Variants in MAGI2 observed in about 807,000 individuals in gnomAD.
MAGI2 encodes the protein membrane associated guanylate kinase, WW and PDZ domain containing 2, also known as membrane-associated guanylate kinase, WW and PDZ domain-containing protein 2.
MAGI2 carries 35 observed loss-of-function variants against 133.3 expected under a neutral mutation model. The observed-to-expected ratio is 0.26, with a 90% CI of 0.20 to 0.35. The LOEUF is 0.35. Among genes scored for constraint, MAGI2 ranks in the 10% least tolerant of loss-of-function variants. The pLI is 1.00. For synonymous variants in MAGI2, 729 were observed against 710.6 expected (o/e 1.03, Z -0.41); for missense variants, 1,636 against 1,863.4 (o/e 0.88, Z 2.25).
chr7:78,861,652 G>A (rs1018252411), intron 2 of MAGI2, among the ~76,000 whole-genome samples: 3 of 152,030 alleles, frequency 2.0e-5, no homozygotes, highest in African/African-American at 7.2e-5. Context: ...ATTATTTTGT[G>A]CAAAATAAAA....
In MAGI2 at chr7:79,391,500, TATATA is replaced by T. The variant is rs1585811034; in HGVS notation, c.301+61515_301+61519del. On this transcript the variant is annotated intron_variant, in intron 1 of 21. Transcript: ENST00000354212. ...CAATTACCTTTAACATATATATATA[TATATA>T]GACATATATATATATATATATATAT... Among the ~76,000 whole-genome samples, 3 of 59,658 alleles carry T rather than the reference TATATA, an allele frequency of 5.0e-5. No homozygotes were observed. In the East Asian group the frequency reaches 1.7e-3, roughly 33 times the overall value. The allele number at this position is 59,658 out of a possible 152,430, so 39.1% of individuals were successfully genotyped here. A position where few individuals can be genotyped will look rare whatever the true frequency, so the allele number is the denominator to read the frequency against.
intron 2 of MAGI2, among the ~76,000 whole-genome samples, chr7:78,808,686 A>C (rs1335307749): frequency 6.6e-6 from 1 of 152,246 alleles, no homozygotes; most frequent in Non-Finnish European, 1.5e-5. Context: ...GAGGAAACGC[A>C]CTTCACGGAA....
At chr7:78,838,516 G>T (rs1791853990) in intron 2 of MAGI2, among the ~76,000 whole-genome samples, 1 of 150,596 alleles carries the variant, frequency 6.6e-6, no homozygotes, top group Non-Finnish European at 1.5e-5. Flanking sequence ...GTGAGTGTGT[G>T]TGTGTGTGTG....
intron 9 of MAGI2, among the ~76,000 whole-genome samples, chr7:78,334,065 G>T (rs540611821): frequency 6.6e-6 from 1 of 152,200 alleles, no homozygotes; most frequent in Non-Finnish European, 1.5e-5. Context: ...AAACAAGCCA[G>T]AAAACATTTT....
chr7:78,586,643 A>G (rs886064505), intron 3 of MAGI2, among the ~76,000 whole-genome samples: 1 of 152,098 alleles, frequency 6.6e-6, no homozygotes, highest in Non-Finnish European at 1.5e-5. Flanking sequence ...GTACACTCCC[A>G]TTGTTGTGCA....
intron 1 of MAGI2, among the ~76,000 whole-genome samples, chr7:79,056,454 AC>A (rs1813157276): frequency 6.6e-6 from 1 of 152,220 alleles, no homozygotes; most frequent in African/African-American, 2.4e-5. Context: ...AATTTAGACA[AC>A]CCAAAATGGT....
At chr7:79,295,572 C>T (rs1836865674) in intron 1 of MAGI2, among the ~76,000 whole-genome samples, 1 of 151,826 alleles carries the variant, frequency 6.6e-6, no homozygotes, top group Admixed American at 6.6e-5. Flanking sequence ...GGTTAATATA[C>T]TTCCTATTCT....
chr7:78,562,701 G>A (rs973489977), intron 3 of MAGI2, among the ~76,000 whole-genome samples: 2 of 152,032 alleles, frequency 1.3e-5, no homozygotes, highest in Non-Finnish European at 2.9e-5. Context: ...TTGTAAATAC[G>A]TTTTTGAGCC....
chr7:78,983,605 C>T (rs1023777642), intron 2 of MAGI2, among the ~76,000 whole-genome samples: 14 of 151,920 alleles, frequency 9.2e-5, no homozygotes, highest in African/African-American at 3.1e-4. Context: ...GTCTTGCATT[C>T]TATATAAAAA....
At chr7:78,804,748 C>CAAAAAAAAAAAAAAAAA (rs373472835) in intron 2 of MAGI2, among the ~76,000 whole-genome samples, 9 of 97,736 alleles carry the variant, frequency 9.2e-5, no homozygotes, top group African/African-American at 4.2e-4. Flanking sequence ...GACTCTGTCT[C>CAAAAAAAAAAAAAAAAA]AAAAAAAAAA....
At chr7:79,443,639 AT>A (rs1768554248) in intron 1 of MAGI2, among the ~76,000 whole-genome samples, 1 of 152,164 alleles carries the variant, frequency 6.6e-6, no homozygotes, top group Non-Finnish European at 1.5e-5. Context: ...AATGTTAAAA[AT>A]GTATGCAATT....
intron 10 of MAGI2, among the ~76,000 whole-genome samples, chr7:78,224,754 G>A (rs1310710640): frequency 6.7e-6 from 1 of 149,258 alleles, no homozygotes; most frequent in East Asian, 1.9e-4. Flanking sequence ...AGTGTATCAG[G>A]TAAATAACAG....
intron 6 of MAGI2, among the ~76,000 whole-genome samples, chr7:78,421,920 T>A (rs1055080904): frequency 2.0e-5 from 3 of 152,182 alleles, no homozygotes; most frequent in Non-Finnish European, 4.4e-5. Context: ...TGTGTGGAAA[T>A]TTTAAATTTA....
chr7:78,565,862 G>T (rs1490987564), intron 3 of MAGI2, among the ~76,000 whole-genome samples: 2 of 152,154 alleles, frequency 1.3e-5, no homozygotes, highest in Non-Finnish European at 2.9e-5. Flanking sequence ...AAGCAGCTGA[G>T]TACCTGAAAA....
chr7:78,296,799 A>G (rs1797292996), intron 9 of MAGI2, among the ~76,000 whole-genome samples: 1 of 151,934 alleles, frequency 6.6e-6, no homozygotes, highest in African/African-American at 2.4e-5. Context: ...ATGAATATTT[A>G]GCTTTGGAAA....
chr7:79,384,943 G>C (rs1283670139), intron 1 of MAGI2, among the ~76,000 whole-genome samples: 1 of 151,652 alleles, frequency 6.6e-6, no homozygotes, highest in Admixed American at 6.6e-5. Flanking sequence ...GTTTCTGTTA[G>C]ACTCTGTCAC....
At chr7:78,254,020 A>G (rs546632539) in intron 10 of MAGI2, 76 of 152,330 alleles carry the variant, frequency 5.0e-4, no homozygotes, top group African/African-American at 1.8e-3. Flanking sequence ...AAGTACTTTA[A>G]GCATCACAGC....
intron 1 of MAGI2, among the ~76,000 whole-genome samples, chr7:79,296,621 T>C (rs1836951485): frequency 6.6e-6 from 1 of 151,972 alleles, no homozygotes; most frequent in African/African-American, 2.4e-5. Flanking sequence ...TAATGGGAAA[T>C]TGCAAACACT....
intron 20 of MAGI2, among the ~76,000 whole-genome samples, chr7:78,091,151 G>C (rs1319297548): frequency 6.6e-6 from 1 of 151,972 alleles, no homozygotes; most frequent in African/African-American, 2.4e-5. Flanking sequence ...TTAAGGAAGT[G>C]GTTGCTGATA....
Sources: allele counts gnomAD v4.1 joint callset (sites outside exome capture counted in the v4.1 genomes callset), GRCh38; gene constraint gnomAD v4.1.1; transcripts MANE v1.5; gene names NCBI Gene and HGNC (gene_info 2026-07-23, HGNC 2026-07-21).